Variants in XXYLT1 observed in about 807,000 individuals in gnomAD.
XXYLT1 encodes xyloside xylosyltransferase 1.
A neutral mutation model predicts 28.9 loss-of-function variants in XXYLT1; 20 were observed. That is an observed-to-expected ratio of 0.69 (90% confidence interval 0.49 to 1.00). XXYLT1 has a LOEUF of 1.00. Ranked by LOEUF, XXYLT1 falls within the 50% of genes least tolerant of loss-of-function variation. The pLI, the probability that XXYLT1 is intolerant of heterozygous loss-of-function variation, is 0.00. For missense variants in XXYLT1, 542 were observed against 560.1 expected, an observed-to-expected ratio of 0.97 and a Z score of 0.33; for synonymous variants, 257 against 253.8, an observed-to-expected ratio of 1.01 and a Z score of -0.12.
Position 195,088,391 on chromosome 3 carries a change from A to C in XXYLT1, c.786-18280T>G, listed in dbSNP as rs1258745007. Among the ~76,000 whole-genome samples, 4 of 146,616 alleles carry C rather than the reference A, an allele frequency of 2.7e-5. No individual in the cohort carries two copies. The South Asian group carries it at 6.9e-4, about 25-fold the overall frequency. On this transcript the variant is annotated intron_variant, in intron 3 of 3. Transcript: ENST00000310380. ...GGTCCCTGACCCCTGACCCCCGAGC[A>C]GCCTAACTGGGAGGCACCCCCCAGC...
At chr3:195,119,667 G>A (rs1397993966) in intron 3 of XXYLT1, among the ~76,000 whole-genome samples, 3 of 37,100 alleles carry the variant, frequency 8.1e-5, no homozygotes, top group Non-Finnish European at 1.5e-4. Flanking sequence ...CCAGATGAGA[G>A]GAGGCCTCCG....
At chr3:195,249,757 G>A (rs553721709) in intron 1 of XXYLT1, among the ~76,000 whole-genome samples, 4 of 152,192 alleles carry the variant, frequency 2.6e-5, no homozygotes, top group African/African-American at 7.2e-5. Context: ...AAACCCAAGC[G>A]CTGTCAAAAG....
At chr3:195,135,902 G>A (rs764806232) in intron 3 of XXYLT1, among the ~76,000 whole-genome samples, 1 of 152,106 alleles carries the variant, frequency 6.6e-6, no homozygotes, top group Admixed American at 6.5e-5. Flanking sequence ...GACTCAGGCT[G>A]CAGACATAAA....
At chr3:195,074,790 G>A (rs1282214235) in intron 3 of XXYLT1, among the ~76,000 whole-genome samples, 1 of 152,194 alleles carries the variant, frequency 6.6e-6, no homozygotes, top group African/African-American at 2.4e-5. Flanking sequence ...GTATCAAACT[G>A]GAGAAGACAT....
intron 1 of XXYLT1, among the ~76,000 whole-genome samples, chr3:195,245,346 G>A (rs1724977360): frequency 6.6e-6 from 1 of 151,630 alleles, no homozygotes; most frequent in African/African-American, 2.4e-5. Flanking sequence ...TTTTAGTAGA[G>A]ATGGGGTTTC....
At position 195,156,523 on chromosome 3, in the gene XXYLT1, C is replaced by T; in HGVS notation, c.711G>A (p.Glu237=). ...LDLKFKTNIR[E]LFEEFDSFLP... ...GGAAACTGTCAAATTCCTCAAACAA[C>T]TCCCGGATGTTGGTCTTAAACTTCA... is the stretch of plus-strand genomic sequence containing the variant. The change falls in exon 3 of 4, where the codon GAG becomes GAA. Residue 237 remains glutamate (E), a synonymous_variant. Transcript: ENST00000310380. 1 of 1,614,244 alleles carries T rather than the reference C, an allele frequency of 6.2e-7. No homozygotes were observed. Among genetic ancestry groups the T allele is most frequent in the Non-Finnish European group, 8.5e-7 (1 of 1,180,042 alleles).
At chr3:195,082,760 A>G (rs1373810974) in intron 3 of XXYLT1, among the ~76,000 whole-genome samples, 1 of 152,032 alleles carries the variant, frequency 6.6e-6, no homozygotes, top group Non-Finnish European at 1.5e-5. Flanking sequence ...GAGGCATGAC[A>G]ATCACTTGAA....
At position 195,098,192 on chromosome 3, in the gene XXYLT1, G is replaced by C. The variant is rs115992095; in HGVS notation, c.786-28081C>G. 1.1e-3 allele frequency among the ~76,000 whole-genome samples: 160 copies of C among 152,302 alleles called. 1 individual carries two copies. Among genetic ancestry groups the C allele is most frequent in the Non-Finnish European group, 1.7e-3 (119 of 68,036 alleles). ...TCTGTTTGGGGTGATGCACATATAC[G>C]AGAAACGGTGGTGATGGTTGTACAA... On this transcript the variant is annotated intron_variant, in intron 3 of 3. Coordinates refer to ENST00000310380, the MANE Select transcript of XXYLT1 (RefSeq NM_152531.5).
At position 195,267,419 on chromosome 3, in the gene XXYLT1, C is replaced by G. The variant is rs1725878468; in HGVS notation, c.504+3136G>C. Among the ~76,000 whole-genome samples the G allele has an allele frequency of 2.6e-5, 4 of 152,262 alleles. 1 individual carries two copies. In the South Asian group the frequency reaches 8.3e-4, roughly 32 times the overall value. On this transcript the variant is annotated intron_variant, in intron 1 of 3. Coordinates refer to ENST00000310380, the MANE Select transcript of XXYLT1 (RefSeq NM_152531.5). ...ACCTAGGATGCAGGTCCAGCCACAA[C>G]TGAGTAACTTCTCCAGAAAGCCTTG... is the stretch of plus-strand genomic sequence containing the variant.
At chr3:195,160,686 C>T (rs1282316031) in intron 2 of XXYLT1, among the ~76,000 whole-genome samples, 1 of 152,198 alleles carries the variant, frequency 6.6e-6, no homozygotes. Context: ...AGGATCCTGA[C>T]CCCAGAGGAG....
chr3:195,191,440 A>G (rs1007418035), intron 2 of XXYLT1, among the ~76,000 whole-genome samples: 4 of 152,182 alleles, frequency 2.6e-5, no homozygotes, highest in Admixed American at 1.3e-4. Flanking sequence ...TTACTTTATT[A>G]TAAGAATACA....
At position 195,104,931 on chromosome 3, in the gene XXYLT1, G is replaced by C. The variant is rs145604976; in HGVS notation, c.786-34820C>G. Among the ~76,000 whole-genome samples the C allele has an allele frequency of 2.4e-3, 364 of 152,326 alleles. 1 individual carries two copies. Among genetic ancestry groups the C allele is most frequent in the African/African-American group, 8.4e-3 (348 of 41,572 alleles). On this transcript the variant is annotated intron_variant, in intron 3 of 3. Transcript: ENST00000310380. ...GATTCGCAAGTCTAGCTACAAGCCA[G>C]AATCACTTTGGGTACATGGTCAAAA...
chr3:195,110,727 T>C (rs1160833766), intron 3 of XXYLT1, among the ~76,000 whole-genome samples: 3 of 116,092 alleles, frequency 2.6e-5, no homozygotes, highest in Non-Finnish European at 3.7e-5. Context: ...TGTGTGTGTG[T>C]GTGCTGTATG....
intron 3 of XXYLT1, among the ~76,000 whole-genome samples, chr3:195,111,269 T>C (rs995632523): frequency 6.6e-6 from 1 of 152,158 alleles, no homozygotes; most frequent in Admixed American, 6.5e-5. Flanking sequence ...ACACCAGTCA[T>C]ACTGGATTAG....
In XXYLT1 at chr3:195,255,620, G is replaced by A. The variant is rs1223464945; in HGVS notation, c.504+14935C>T. On this transcript the variant is annotated intron_variant, in intron 1 of 3. Coordinates refer to ENST00000310380, the MANE Select transcript of XXYLT1 (RefSeq NM_152531.5). This position sits in a 1 kb window ranked among gnomAD's most constrained non-coding sequence, Gnocchi z 4.5. ...AAAACAGAAGACAAACCGGCGCACAGAGCAAGCACAGCGTAGAACTGGCTT... is the reference window on the plus strand; with the variant it reads ...AAAACAGAAGACAAACCGGCGCACAAAGCAAGCACAGCGTAGAACTGGCTT... 6.6e-6 allele frequency among the ~76,000 whole-genome samples: 1 copy of A among 152,216 alleles called. No individual in the cohort carries two copies. Among genetic ancestry groups the A allele is most frequent in the African/African-American group, 2.4e-5 (1 of 41,458 alleles).
In XXYLT1 at chr3:195,251,305, A is replaced by G. The variant is rs1725243035; in HGVS notation, c.504+19250T>C. On this transcript the variant is annotated intron_variant, in intron 1 of 3. Transcript: ENST00000310380. ...CCAATATGGGTAGAGCCAAGCGGTC[A>G]CCCAAATCACTCATGTGACCCCATG... Among the ~76,000 whole-genome samples the G allele has an allele frequency of 2.6e-5, 4 of 152,246 alleles. No homozygotes were observed. In the South Asian group the frequency reaches 8.3e-4, roughly 31 times the overall value.
At chr3:195,269,612 C>T (rs1310901185) in intron 1 of XXYLT1, among the ~76,000 whole-genome samples, 2 of 152,294 alleles carry the variant, frequency 1.3e-5, no homozygotes, top group Admixed American at 1.3e-4. Context: ...CAGAGACTCC[C>T]GAAGCCTGTA....
intron 3 of XXYLT1, among the ~76,000 whole-genome samples, chr3:195,116,528 G>A (rs987877727): frequency 6.6e-6 from 1 of 152,146 alleles, no homozygotes; most frequent in Non-Finnish European, 1.5e-5. Flanking sequence ...AGCAAGAAGG[G>A]AGGGAACTTG....
intron 1 of XXYLT1, among the ~76,000 whole-genome samples, chr3:195,228,959 C>T (rs1057026770): frequency 3.3e-5 from 5 of 151,782 alleles, no homozygotes; most frequent in African/African-American, 1.2e-4. Flanking sequence ...ATTACAGGCG[C>T]CCACCACCAT....
Sources: gnomAD v4.1 joint callset for allele counts (sites outside exome capture counted in the v4.1 genomes callset) on GRCh38, gnomAD v4.1.1 for gene constraint, Gnocchi (gnomAD v3.1) non-coding constraint, MANE v1.5 for transcripts, NCBI Gene and HGNC (gene_info 2026-07-23, HGNC 2026-07-21) for gene names.